RAP2A: variants seen among roughly 807,000 people sequenced by gnomAD.
The protein encoded by RAP2A is RAP2A, member of RAS oncogene family, also known as ras-related protein Rap-2a.
A neutral mutation model predicts 15.1 loss-of-function variants in RAP2A; 5 were observed. The observed-to-expected ratio is 0.33, with a 90% CI of 0.17 to 0.70. The LOEUF (loss-of-function observed/expected upper bound fraction) is 0.70. Among genes scored for constraint, RAP2A ranks in the 30% least tolerant of loss-of-function variants. The probability of loss-of-function intolerance (pLI) is 0.68; values close to 1 mark genes in which losing one functional copy is unlikely to be tolerated. For missense variants in RAP2A, 111 were observed against 240.3 expected, an observed-to-expected ratio of 0.46 and a Z score of 3.56; for synonymous variants, 110 against 99.7, an observed-to-expected ratio of 1.10 and a Z score of -0.62.
intron 1 of RAP2A, among the ~76,000 whole-genome samples, chr13:97,460,986 C>A (rs2066744148): frequency 6.6e-6 from 1 of 152,170 alleles, no homozygotes; most frequent in South Asian, 2.1e-4. Context: ...CTTCTTCACC[C>A]TTTGTGGCTT....
At chr13:97,457,677 A>G (rs1412473972) in intron 1 of RAP2A, among the ~76,000 whole-genome samples, 1 of 152,116 alleles carries the variant, frequency 6.6e-6, no homozygotes, top group Non-Finnish European at 1.5e-5. Flanking sequence ...TAATTGGTAT[A>G]ATCTCTTTTT....
In RAP2A at chr13:97,464,189, G is replaced by A; in HGVS notation, c.315-16G>A. 1 of 1,612,588 alleles carries A rather than the reference G, an allele frequency of 6.2e-7. No homozygotes were observed. Among genetic ancestry groups the A allele is most frequent in the Non-Finnish European group, 8.5e-7 (1 of 1,178,796 alleles). Reference sequence around the variant, plus strand: ...AACTGTTACAATGTATGTGTGTTTTGTTTATTCTCTCATAGGTATGAGAAA... The same window carrying A: ...AACTGTTACAATGTATGTGTGTTTTATTTATTCTCTCATAGGTATGAGAAA... On this transcript the variant is annotated splice_polypyrimidine_tract_variant and intron_variant, in intron 1 of 1. Coordinates refer to ENST00000245304, the MANE Select transcript of RAP2A (RefSeq NM_021033.7).
At chr13:97,443,704 A>G (rs1225418587) in intron 1 of RAP2A, among the ~76,000 whole-genome samples, 3 of 152,158 alleles carry the variant, frequency 2.0e-5, no homozygotes, top group Non-Finnish European at 4.4e-5. Context: ...AAATTAATTC[A>G]TCTTTAGGTT....
chr13:97,447,200 G>T (rs998967399), intron 1 of RAP2A, among the ~76,000 whole-genome samples: 3 of 152,174 alleles, frequency 2.0e-5, no homozygotes, highest in Non-Finnish European at 4.4e-5. Flanking sequence ...TCTCACCCAT[G>T]CATGATTAAC....
intron 1 of RAP2A, among the ~76,000 whole-genome samples, chr13:97,437,832 G>A (rs1324117606): frequency 2.0e-5 from 3 of 152,142 alleles, no homozygotes; most frequent in Non-Finnish European, 2.9e-5. Flanking sequence ...GCCAAACAAC[G>A]AATGGAGCTT....
intron 1 of RAP2A, among the ~76,000 whole-genome samples, chr13:97,450,822 A>G (rs2066699377): frequency 6.6e-6 from 1 of 152,178 alleles, no homozygotes; most frequent in Non-Finnish European, 1.5e-5. Flanking sequence ...AACAGATTAA[A>G]TGTAGTTTTA....
At chr13:97,436,506 A>T (rs1163293551) in intron 1 of RAP2A, among the ~76,000 whole-genome samples, 1 of 152,218 alleles carries the variant, frequency 6.6e-6, no homozygotes, top group South Asian at 2.1e-4. Context: ...ATGAAGATGC[A>T]CATATACACT....
intron 1 of RAP2A, among the ~76,000 whole-genome samples, chr13:97,439,786 T>C (rs2066649441): frequency 6.6e-6 from 1 of 152,154 alleles, no homozygotes; most frequent in South Asian, 2.1e-4. Flanking sequence ...ACTCGAGAGT[T>C]GTAAGATACA....
chr13:97,446,670 AG>A lies in RAP2A; in HGVS notation c.314+11888del, dbSNP rs1483483219. ...TTCTTGAAGCCCTGAGCTACCACAT[AG>A]GAAGTCCAGCTATGCTGCTGGAAAA... On this transcript the variant is annotated intron_variant, in intron 1 of 1. Coordinates refer to ENST00000245304, the MANE Select transcript of RAP2A (RefSeq NM_021033.7). Among the ~76,000 whole-genome samples, 5 of 152,310 alleles carry A rather than the reference AG, an allele frequency of 3.3e-5. No homozygotes were observed. In the East Asian group the frequency reaches 9.6e-4, roughly 29 times the overall value.
At chr13:97,449,865 C>G (rs2066694905) in intron 1 of RAP2A, among the ~76,000 whole-genome samples, 1 of 152,116 alleles carries the variant, frequency 6.6e-6, no homozygotes, top group Non-Finnish European at 1.5e-5. Context: ...TCCTCTTCCT[C>G]TTCTGAGTTG....
chr13:97,453,170 T>C (rs1428287380), intron 1 of RAP2A, among the ~76,000 whole-genome samples: 1 of 151,482 alleles, frequency 6.6e-6, no homozygotes, highest in African/African-American at 2.4e-5. Context: ...TAATTACCTT[T>C]TTAAATTAAG....
chr13:97,438,589 T>A (rs2066643914), intron 1 of RAP2A, among the ~76,000 whole-genome samples: 1 of 152,196 alleles, frequency 6.6e-6, no homozygotes, highest in Non-Finnish European at 1.5e-5. Flanking sequence ...ACACTAGGCA[T>A]AGATGAGTTA....
chr13:97,451,219 T>C (rs566877509), intron 1 of RAP2A, among the ~76,000 whole-genome samples: 53 of 152,316 alleles, frequency 3.5e-4, no homozygotes, highest in Non-Finnish European at 6.3e-4. Flanking sequence ...AGAAATTGTT[T>C]ATAATCTTAC....
Position 97,465,206 on chromosome 13 carries a change from G to C in RAP2A, c.*764G>C, listed in dbSNP as rs995411840. 4 of 152,524 alleles carry C rather than the reference G, an allele frequency of 2.6e-5. No homozygotes were observed. Among genetic ancestry groups the C allele is most frequent in the Non-Finnish European group, 5.9e-5 (4 of 68,028 alleles). The allele number at this position is 152,524 out of a possible 1,614,324, so 9.4% of individuals were successfully genotyped here. On this transcript the variant is annotated 3_prime_UTR_variant, in exon 2 of 2. Coordinates refer to ENST00000245304, the MANE Select transcript of RAP2A (RefSeq NM_021033.7). ...AAAACCCCAAACCCGCCCTCTGTTA[G>C]GGGTGGTCTTTATAACTTTACTGAA...
At chr13:97,447,816 G>A (rs904242232) in intron 1 of RAP2A, among the ~76,000 whole-genome samples, 1 of 152,124 alleles carries the variant, frequency 6.6e-6, no homozygotes, top group African/African-American at 2.4e-5. Context: ...TAAGTGTCAA[G>A]AACTGATTCC....
chr13:97,462,582 G>T (rs571260854), intron 1 of RAP2A, among the ~76,000 whole-genome samples: 9 of 152,180 alleles, frequency 5.9e-5, no homozygotes, highest in Non-Finnish European at 1.2e-4. Context: ...GCCCGAAATC[G>T]TAAGGTACAG....
chr13:97,438,882 AT>A, intron 1 of RAP2A, among the ~76,000 whole-genome samples: 1 of 152,204 alleles, frequency 6.6e-6, no homozygotes, highest in Non-Finnish European at 1.5e-5. Flanking sequence ...AAAGAAAAGT[AT>A]TTGTATTGTT....
chr13:97,458,822 T>C (rs1214732083), intron 1 of RAP2A, among the ~76,000 whole-genome samples: 1 of 152,044 alleles, frequency 6.6e-6, no homozygotes, highest in East Asian at 1.9e-4. Flanking sequence ...TCTTTTGAGT[T>C]ACTGATATTT....
intron 1 of RAP2A, among the ~76,000 whole-genome samples, chr13:97,435,428 G>GT (rs956327455): frequency 6.7e-5 from 3 of 44,530 alleles, no homozygotes; most frequent in African/African-American, 8.4e-5. Flanking sequence ...GTTTGTTTTT[G>GT]TTTTTTTGTT....
Sources: allele counts gnomAD v4.1 joint callset (sites outside exome capture counted in the v4.1 genomes callset), GRCh38; gene constraint gnomAD v4.1.1; transcripts MANE v1.5; gene names NCBI Gene and HGNC (gene_info 2026-07-23, HGNC 2026-07-21).